ACADL: variants seen among roughly 807,000 people sequenced by gnomAD.
ACADL encodes the protein acyl-CoA dehydrogenase long chain.
In ACADL, 60 loss-of-function variants were observed where a neutral mutation model predicts 56.9. The observed-to-expected ratio is 1.05, with a 90% CI of 0.86 to 1.31. The LOEUF (loss-of-function observed/expected upper bound fraction) is 1.31, where lower values mean the gene tolerates loss of function less well. Among genes scored for constraint, ACADL ranks in the 50% most tolerant of loss-of-function variants. The probability of loss-of-function intolerance (pLI) is 0.00; values close to 1 mark genes in which losing one functional copy is unlikely to be tolerated. For synonymous variants in ACADL, 158 were observed against 179.7 expected (o/e 0.88, Z 0.97); for missense variants, 484 against 525.5 (o/e 0.92, Z 0.77).
chr2:210,206,693 T>C (rs1246102924), intron 5 of ACADL, among the ~76,000 whole-genome samples: 3 of 152,170 alleles, frequency 2.0e-5, no homozygotes, highest in Non-Finnish European at 4.4e-5. Flanking sequence ...ATAATTATCT[T>C]CTCATTCTGC....
At chr2:210,189,682 A>G (rs889072209) in intron 10 of ACADL, among the ~76,000 whole-genome samples, 5 of 152,032 alleles carry the variant, frequency 3.3e-5, no homozygotes, top group East Asian at 1.9e-4. Context: ...CCCAAATATC[A>G]TAAGTTCACT....
intron 4 of ACADL, 60 bp from the exon 5 acceptor site, chr2:210,210,322 G>A (rs1688958583): frequency 1.6e-6 from 2 of 1,246,402 alleles, no homozygotes; most frequent in African/African-American, 3.0e-5. Flanking sequence ...TTATACAAAT[G>A]ATATAAGTAT....
chr2:210,205,539 A>G, intron 6 of ACADL, 93 bp downstream of exon 6: 1 of 1,286,554 alleles, frequency 7.8e-7, no homozygotes, highest in Non-Finnish European at 1.1e-6. Flanking sequence ...ATAGGAAATA[A>G]AATTGTGCCA....
intron 4 of ACADL, among the ~76,000 whole-genome samples, chr2:210,215,295 A>T (rs1031037224): frequency 1.3e-5 from 2 of 152,094 alleles, no homozygotes; most frequent in Non-Finnish European, 2.9e-5. Context: ...CTCCCATAAA[A>T]GGTAACTTCT....
chr2:210,188,877 T>C lies in ACADL; in HGVS notation c.*84A>G. The C allele has an allele frequency of 1.0e-6, 1 of 964,214 alleles. No individual in the cohort carries two copies. Among genetic ancestry groups the C allele is most frequent in the Non-Finnish European group, 1.7e-6 (1 of 589,318 alleles). 59.7% of individuals were successfully genotyped at this position (964,214 alleles called of 1,614,324 possible). A position where few individuals can be genotyped will look rare whatever the true frequency, so the allele number is the denominator to read the frequency against. ...AGCAGGTAAAAACATGTTTAGTGTT[T>C]CCTCGCTTTCCAAGTTACATTTTAT... On this transcript the variant is annotated 3_prime_UTR_variant, in exon 11 of 11. Transcript: ENST00000233710.
rs771051970 is a variant in ACADL, at chr2:210,203,322, C to T, written c.984+9G>A. 2 of 1,584,942 alleles carry T rather than the reference C, an allele frequency of 1.3e-6. No homozygotes were observed. The highest frequency in any genetic ancestry group is 2.2e-5 in the East Asian group (1 of 44,608). On this transcript the variant is annotated intron_variant, in intron 8 of 10. Transcript: ENST00000233710. ...ACCATCTAATACTAAACCACAGTGACAAGCTTACCTGTAGGTGAGCAACTG... is the reference window on the plus strand; with the variant it reads ...ACCATCTAATACTAAACCACAGTGATAAGCTTACCTGTAGGTGAGCAACTG...
chr2:210,209,954 G>C (rs1303319693), intron 5 of ACADL: 1 of 436,000 alleles, frequency 2.3e-6, no homozygotes, highest in Non-Finnish European at 4.2e-6. Flanking sequence ...AATAAGGGCT[G>C]TTTGGAAGCT....
chr2:210,193,014 C>T (rs112661179), intron 9 of ACADL, 124 bp from the exon 10 acceptor site: 249 of 721,092 alleles, frequency 3.5e-4, no homozygotes, highest in African/African-American at 2.8e-3. Context: ...GCAATTAGAA[C>T]GGCATATTAG....
In ACADL at chr2:210,195,216, T is replaced by C; in HGVS notation, c.1107A>G (p.Lys369=). The change falls in exon 9 of 11, where the codon AAA becomes AAG. Residue 369 remains lysine (K), a synonymous_variant. Coordinates refer to ENST00000233710, the MANE Select transcript of ACADL (RefSeq NM_001608.4). ...RLDSATACMA[K]YWASELQNSV... ...AATTACTGTAGCATGCATACCAATA[T>C]TTCGCCATGCAAGCAGTGGCGGAGT... 3.7e-6 allele frequency: 6 copies of C among 1,613,884 alleles called. No homozygotes were observed. The highest frequency in any genetic ancestry group is 5.1e-6 in the Non-Finnish European group (6 of 1,179,878).
At chr2:210,202,486 T>C (rs1192731726) in intron 8 of ACADL, among the ~76,000 whole-genome samples, 1 of 152,146 alleles carries the variant, frequency 6.6e-6, no homozygotes, top group Non-Finnish European at 1.5e-5. Context: ...AGATGTCCTT[T>C]GCTCCTTTCT....
At chr2:210,194,862 A>C (rs1688683041) in intron 9 of ACADL, among the ~76,000 whole-genome samples, 1 of 152,150 alleles carries the variant, frequency 6.6e-6, no homozygotes, top group African/African-American at 2.4e-5. Flanking sequence ...CACTCTTCAG[A>C]TAATTTGAAA....
chr2:210,190,295 T>C (rs961647766), intron 10 of ACADL, among the ~76,000 whole-genome samples: 1 of 152,184 alleles, frequency 6.6e-6, no homozygotes, highest in Non-Finnish European at 1.5e-5. Context: ...AACATTTTTT[T>C]CTGAACGGAT....
rs971975388 is a variant in ACADL at position 210,225,415 on chromosome 2, C to G, written c.-152G>C. 7 of 781,534 alleles carry G rather than the reference C, an allele frequency of 9.0e-6. No homozygotes were observed. The highest frequency in any genetic ancestry group is 7.2e-5 in the African/African-American group (4 of 55,216). 48.4% of individuals were successfully genotyped at this position (781,534 alleles called of 1,614,324 possible). The stretch of plus-strand genomic sequence containing the variant: ...GCTCGCGCGCGCCCTTCCGGAGCCC[C>G]AACCACGCCACAGGCTGGTCGCGAG... On this transcript the variant is annotated 5_prime_UTR_variant, in exon 1 of 11. Transcript: ENST00000233710.
intron 2 of ACADL, among the ~76,000 whole-genome samples, chr2:210,220,356 C>A (rs532305104): frequency 6.6e-6 from 1 of 152,216 alleles, no homozygotes; most frequent in South Asian, 2.1e-4. Context: ...AAAAGAAAGA[C>A]TATGAAATTG....
intron 1 of ACADL, among the ~76,000 whole-genome samples, chr2:210,222,503 AC>A (rs1575683592): frequency 6.8e-6 from 1 of 146,944 alleles, no homozygotes; most frequent in East Asian, 2.1e-4. Flanking sequence ...AAACAAACAA[AC>A]AAACAAAAAA....
At chr2:210,189,167 C>T in intron 10 of ACADL, 113 bp from the exon 11 acceptor site, 1 of 718,484 alleles carries the variant, frequency 1.4e-6, no homozygotes, top group Non-Finnish European at 2.4e-6. Flanking sequence ...CAATAAAAGT[C>T]CTTCATAAAT....
At chr2:210,222,153 A>G (rs903511271) in intron 1 of ACADL, among the ~76,000 whole-genome samples, 3 of 152,164 alleles carry the variant, frequency 2.0e-5, no homozygotes, top group African/African-American at 7.2e-5. Flanking sequence ...GTAACTTGGG[A>G]TACAATAACG....
In ACADL at chr2:210,224,998, G is replaced by A. The variant is rs1017090704; in HGVS notation, c.77+189C>T. ...CACGGCTGACACCCCTTTTTCCTCC[G>A]CCCAGATGCTGGTTGCACCCAGTCC... is the stretch of plus-strand genomic sequence containing the variant. On this transcript the variant is annotated intron_variant, in intron 1 of 10. Coordinates refer to ENST00000233710, the MANE Select transcript of ACADL (RefSeq NM_001608.4). 18 of 1,412,654 alleles carry A rather than the reference G, an allele frequency of 1.3e-5. No homozygotes were observed. The African/African-American group carries it at 2.7e-4, about 21-fold the overall frequency. 87.5% of individuals were successfully genotyped at this position (1,412,654 alleles called of 1,614,324 possible).
chr2:210,191,688 T>C (rs969976010), intron 10 of ACADL, among the ~76,000 whole-genome samples: 4 of 152,194 alleles, frequency 2.6e-5, no homozygotes, highest in African/African-American at 9.6e-5. Flanking sequence ...TCATAATTTT[T>C]CCCTTTAGAT....
Sources: gnomAD v4.1 joint callset for allele counts (sites outside exome capture counted in the v4.1 genomes callset) on GRCh38, gnomAD v4.1.1 for gene constraint, MANE v1.5 for transcripts, NCBI Gene and HGNC (gene_info 2026-07-23, HGNC 2026-07-21) for gene names.